PIP4K2A: variants seen among roughly 807,000 people sequenced by gnomAD.
PIP4K2A encodes the protein phosphatidylinositol 5-phosphate 4-kinase type-2 alpha.
In PIP4K2A, 14 loss-of-function variants were observed where a neutral mutation model predicts 42.9. The observed-to-expected ratio is 0.33, with a 90% CI of 0.22 to 0.51. PIP4K2A has a LOEUF of 0.51. Among genes scored for constraint, PIP4K2A ranks in the 20% least tolerant of loss-of-function variants. PIP4K2A has a pLI of 0.97. For synonymous variants in PIP4K2A, 192 were observed against 192.2 expected, an observed-to-expected ratio of 1.00 and a Z score of 0.01; for missense variants, 434 against 519.8, an observed-to-expected ratio of 0.83 and a Z score of 1.61.
At chr10:22,680,374 T>G (rs1164718383) in intron 1 of PIP4K2A, among the ~76,000 whole-genome samples, 1 of 152,228 alleles carries the variant, frequency 6.6e-6, no homozygotes, top group Non-Finnish European at 1.5e-5. Context: ...ATATTGTGCT[T>G]TAGAATTTTC....
chr10:22,653,733 G>A (rs1177549595), intron 1 of PIP4K2A, among the ~76,000 whole-genome samples: 2 of 152,156 alleles, frequency 1.3e-5, no homozygotes, highest in African/African-American at 2.4e-5. Flanking sequence ...GGCCGGCATG[G>A]CGAAATCCTG....
intron 1 of PIP4K2A, among the ~76,000 whole-genome samples, chr10:22,704,295 A>C (rs1453735966): frequency 1.3e-5 from 2 of 149,298 alleles, no homozygotes; most frequent in African/African-American, 5.1e-5. Flanking sequence ...AACAAGAGAC[A>C]AAAAAAAAGG....
chr10:22,697,618 C>CA (rs1839997029), intron 1 of PIP4K2A, among the ~76,000 whole-genome samples: 1 of 152,130 alleles, frequency 6.6e-6, no homozygotes, highest in Non-Finnish European at 1.5e-5. Flanking sequence ...CCAGCTATTA[C>CA]AGGAGGCTGA....
chr10:22,627,410 T>C (rs553839936), intron 1 of PIP4K2A, among the ~76,000 whole-genome samples: 1 of 151,928 alleles, frequency 6.6e-6, no homozygotes, highest in Non-Finnish European at 1.5e-5. Context: ...CCCTAAGTGA[T>C]CTCTCAAAGG....
intron 6 of PIP4K2A, among the ~76,000 whole-genome samples, chr10:22,562,473 C>G (rs994256025): frequency 6.6e-6 from 1 of 152,132 alleles, no homozygotes; most frequent in Non-Finnish European, 1.5e-5. Flanking sequence ...GGCATGAACC[C>G]AGGAGGCGGA....
At chr10:22,653,965 A>T (rs1168718462) in intron 1 of PIP4K2A, among the ~76,000 whole-genome samples, 1 of 152,224 alleles carries the variant, frequency 6.6e-6, no homozygotes, top group Non-Finnish European at 1.5e-5. Context: ...TGTTAATACC[A>T]AGAGAAAACA....
chr10:22,674,056 T>C (rs1487506589), intron 1 of PIP4K2A, among the ~76,000 whole-genome samples: 1 of 152,206 alleles, frequency 6.6e-6, no homozygotes, highest in Non-Finnish European at 1.5e-5. Context: ...CCCCATTGTC[T>C]TGGTTATACA....
chr10:22,687,321 G>T (rs1278616440), intron 1 of PIP4K2A, among the ~76,000 whole-genome samples: 1 of 152,052 alleles, frequency 6.6e-6, no homozygotes, highest in African/African-American at 2.4e-5. Flanking sequence ...TTTTTAAAAA[G>T]GTCAGGTATG....
chr10:22,539,906 AG>A (rs1836053802), intron 9 of PIP4K2A, 64 bp downstream of exon 9: 1 of 314,196 alleles, frequency 3.2e-6, no homozygotes, highest in African/African-American at 3.8e-5. Flanking sequence ...AGAGAGAGAG[AG>A]AGAGGGAGAG....
intron 1 of PIP4K2A, among the ~76,000 whole-genome samples, chr10:22,642,953 G>A (rs962305359): frequency 6.6e-6 from 1 of 152,154 alleles, no homozygotes; most frequent in African/African-American, 2.4e-5. Context: ...TCTGTCTGCT[G>A]TGGAGATGAG....
chr10:22,681,445 A>T (rs1412279438), intron 1 of PIP4K2A, among the ~76,000 whole-genome samples: 1 of 152,208 alleles, frequency 6.6e-6, no homozygotes, highest in African/African-American at 2.4e-5. Flanking sequence ...AGGCCCAGGC[A>T]GGAGGACTGT....
intron 1 of PIP4K2A, among the ~76,000 whole-genome samples, chr10:22,628,455 C>T (rs1588673381): frequency 6.6e-6 from 1 of 152,158 alleles, no homozygotes; most frequent in Non-Finnish European, 1.5e-5. Flanking sequence ...GAAACAGTAA[C>T]GTCAACGAAG....
chr10:22,640,447 T>A (rs1259644705), intron 1 of PIP4K2A, among the ~76,000 whole-genome samples: 1 of 152,176 alleles, frequency 6.6e-6, no homozygotes, highest in Non-Finnish European at 1.5e-5. Flanking sequence ...CAGGTCCTTT[T>A]AATGCATGTG....
intron 4 of PIP4K2A, among the ~76,000 whole-genome samples, chr10:22,580,876 T>C (rs1837259123): frequency 6.6e-6 from 1 of 152,212 alleles, no homozygotes; most frequent in Non-Finnish European, 1.5e-5. Flanking sequence ...AATGTCTCGC[T>C]TTACAGACTC....
intron 1 of PIP4K2A, among the ~76,000 whole-genome samples, chr10:22,713,265 C>A (rs903995526): frequency 7.2e-5 from 11 of 152,208 alleles, no homozygotes; most frequent in Non-Finnish European, 4.4e-5. Context: ...GCGCATCCTC[C>A]AATCCCCGAC....
At chr10:22,539,605 AAAG>A (rs1468310362) in intron 9 of PIP4K2A, 2 of 190,678 alleles carry the variant, frequency 1.0e-5, no homozygotes, top group East Asian at 1.3e-4. Flanking sequence ...TTCAAACAAA[AAAG>A]AATTTGTGTA....
In PIP4K2A at chr10:22,610,076, A is replaced by C. The variant is rs574636141; in HGVS notation, c.145-359T>G. 8.5e-5 allele frequency among the ~76,000 whole-genome samples: 13 copies of C among 152,372 alleles called. No homozygotes were observed. In the South Asian group the frequency reaches 2.5e-3, roughly 29 times the overall value. On this transcript the variant is annotated intron_variant, in intron 1 of 9. Transcript: ENST00000376573. The stretch of plus-strand genomic sequence containing the variant: ...CAGGACAACTTCCTTCTGTAAAGAA[A>C]ATGTTATCTGAGAAAGAAAGCTTTT...
At chr10:22,571,756 T>C (rs1044217518) in intron 5 of PIP4K2A, among the ~76,000 whole-genome samples, 1 of 152,230 alleles carries the variant, frequency 6.6e-6, no homozygotes, top group Non-Finnish European at 1.5e-5. Flanking sequence ...TAAAACATGC[T>C]TTAACAACTT....
At position 22,538,417 on chromosome 10, in the gene PIP4K2A, T is replaced by G. The variant is rs1026132048; in HGVS notation, c.1141-1136A>C. On this transcript the variant is annotated intron_variant, in intron 9 of 9. Coordinates refer to ENST00000376573, the MANE Select transcript of PIP4K2A (RefSeq NM_005028.5). ...CACTCCAATTTCACAGGATGTATAA[T>G]ATGGGAACAGACATTTACAAAGCAT... 3.3e-5 allele frequency among the ~76,000 whole-genome samples: 5 copies of G among 151,118 alleles called. No individual in the cohort carries two copies. The South Asian group carries it at 6.3e-4, about 19-fold the overall frequency.
Sources: gnomAD v4.1 joint callset for allele counts (sites outside exome capture counted in the v4.1 genomes callset) on GRCh38, gnomAD v4.1.1 for gene constraint, MANE v1.5 for transcripts, NCBI Gene and HGNC (gene_info 2026-07-23, HGNC 2026-07-21) for gene names.